PARP8: variants seen among roughly 807,000 people sequenced by gnomAD.
PARP8 encodes the protein poly(ADP-ribose) polymerase family member 8.
PARP8 carries 51 observed loss-of-function variants against 124.1 expected under a neutral mutation model. The ratio of observed to expected loss-of-function variants is 0.41; its 90% CI spans 0.33 to 0.52. The LOEUF (loss-of-function observed/expected upper bound fraction) is 0.52, where lower values mean the gene tolerates loss of function less well. PARP8 is among the 20% of genes least tolerant of loss of function. PARP8 has a pLI of 0.21. For missense variants in PARP8, 860 were observed against 1,018.9 expected (o/e 0.84, Z 2.12); for synonymous variants, 391 against 361.5 (o/e 1.08, Z -0.93).
intron 2 of PARP8, among the ~76,000 whole-genome samples, chr5:50,744,138 A>G (rs1466664401): frequency 6.6e-6 from 1 of 151,664 alleles, no homozygotes; most frequent in African/African-American, 2.4e-5. Flanking sequence ...GCATCGAAAA[A>G]CTCTTTTAAG....
intron 24 of PARP8, among the ~76,000 whole-genome samples, chr5:50,834,433 T>C (rs1747337348): frequency 6.6e-6 from 1 of 152,200 alleles, no homozygotes; most frequent in Admixed American, 6.5e-5. Flanking sequence ...ATTAGGTCTT[T>C]CTGTTCCTGC....
chr5:50,716,335 T>C (rs1409261304), intron 2 of PARP8, among the ~76,000 whole-genome samples: 1 of 152,136 alleles, frequency 6.6e-6, no homozygotes, highest in Non-Finnish European at 1.5e-5. Flanking sequence ...TCTAATTGGC[T>C]TTTATTAGTG....
intron 2 of PARP8, among the ~76,000 whole-genome samples, chr5:50,675,792 GA>G (rs199754558): frequency 0.015 from 2,236 of 150,744 alleles, 56 homozygotes; most frequent in African/African-American, 0.052. Flanking sequence ...AACAAACCAG[GA>G]AAAAAAAATT....
At chr5:50,690,976 T>C (rs1752436581) in intron 2 of PARP8, among the ~76,000 whole-genome samples, 1 of 152,162 alleles carries the variant, frequency 6.6e-6, no homozygotes, top group Admixed American at 6.6e-5. Context: ...TAGAAGTCAG[T>C]ATCCAAAAGG....
intron 2 of PARP8, among the ~76,000 whole-genome samples, chr5:50,684,690 A>G (rs373622084): frequency 2.0e-5 from 3 of 152,176 alleles, no homozygotes; most frequent in Non-Finnish European, 2.9e-5. Context: ...AATGATTTCT[A>G]TAACTCACTT....
Position 50,666,906 on chromosome 5 carries a change from T to TCCC in PARP8, c.-188_-187insCCC. 1 of 1,285,668 alleles carries TCCC rather than the reference T, an allele frequency of 7.8e-7. No individual in the cohort carries two copies. The highest frequency in any genetic ancestry group is 1.0e-6 in the Non-Finnish European group (1 of 1,000,714). The allele number at this position is 1,285,668 out of a possible 1,614,324, so 79.6% of individuals were successfully genotyped here. A position where few individuals can be genotyped will look rare whatever the true frequency, so the allele number is the denominator to read the frequency against. ...TGGGAATGCAAAGCCGACCTCCCCC[T>TCCC]CCTCCTCCTCCTCCCCCTCCTCCTC... On this transcript the variant is annotated 5_prime_UTR_variant, in exon 1 of 26. Transcript: ENST00000281631.
intron 14 of PARP8, among the ~76,000 whole-genome samples, chr5:50,799,426 A>C (rs1388521703): frequency 2.6e-5 from 4 of 152,192 alleles, no homozygotes; most frequent in African/African-American, 4.8e-5. Context: ...ACTGATCTGC[A>C]TGTCTGTCCT....
intron 2 of PARP8, among the ~76,000 whole-genome samples, chr5:50,693,289 G>T (rs188603258): frequency 1.9e-4 from 29 of 152,238 alleles, no homozygotes; most frequent in Non-Finnish European, 1.5e-5. Context: ...GCAGGTCAGA[G>T]GATTCCCAGG....
rs1561215266 is a variant in PARP8 at position 50,667,085 on chromosome 5, G to A, written c.-11G>A. On this transcript the variant is annotated 5_prime_UTR_variant, in exon 1 of 26. Coordinates refer to ENST00000281631, the MANE Select transcript of PARP8 (RefSeq NM_024615.4). The stretch of plus-strand genomic sequence containing the variant: ...GAAATAGCGGCTGCTTCTTTTCCAG[G>A]GATTTATTTAATGGGGATGTGTTCA... The A allele has an allele frequency of 6.3e-7, 1 of 1,596,296 alleles. No homozygotes were observed. The highest frequency in any genetic ancestry group is 2.2e-5 in the East Asian group (1 of 44,866).
chr5:50,787,185 C>G (rs1359650772), intron 9 of PARP8, among the ~76,000 whole-genome samples: 3 of 152,126 alleles, frequency 2.0e-5, no homozygotes, highest in Admixed American at 2.0e-4. Context: ...CCAAAATGTT[C>G]ATCACCTCCA....
intron 1 of PARP8, among the ~76,000 whole-genome samples, 155 bp downstream of exon 1, chr5:50,667,341 G>C (rs1178184742): frequency 6.6e-6 from 1 of 152,186 alleles, no homozygotes; most frequent in Non-Finnish European, 1.5e-5. Flanking sequence ...GAGCCAAAAG[G>C]GGGAGGGGGC....
intron 2 of PARP8, among the ~76,000 whole-genome samples, chr5:50,672,473 A>G (rs893723576): frequency 2.0e-5 from 3 of 152,210 alleles, no homozygotes; most frequent in Non-Finnish European, 4.4e-5. Flanking sequence ...AGGGTCCCCA[A>G]TCTGGTGATG....
Position 50,835,203 on chromosome 5 carries a change from A to T in PARP8, c.2462+188A>T, listed in dbSNP as rs80153155. On this transcript the variant is annotated intron_variant, in intron 25 of 25. Transcript: ENST00000281631. The stretch of plus-strand genomic sequence containing the variant: ...TCTAAATAATTTTTAAATGCTGTTA[A>T]CTTAGAAGAGCTCATGAAAAACACC... Among the ~76,000 whole-genome samples, 1,137 of 152,314 alleles carry T rather than the reference A, an allele frequency of 7.5e-3. 14 individuals carry two copies. The highest frequency in any genetic ancestry group is 0.026 in the African/African-American group (1,068 of 41,576).
At chr5:50,734,392 C>T (rs1411698580) in intron 2 of PARP8, among the ~76,000 whole-genome samples, 1 of 152,102 alleles carries the variant, frequency 6.6e-6, no homozygotes, top group East Asian at 1.9e-4. Context: ...TCCAGTTCTT[C>T]ATTTGCTTTG....
intron 7 of PARP8, among the ~76,000 whole-genome samples, chr5:50,771,348 G>A (rs1407892684): frequency 2.0e-5 from 3 of 151,984 alleles, no homozygotes; most frequent in Non-Finnish European, 2.9e-5. Flanking sequence ...CAGTAGAGAC[G>A]GGGTTTCACC....
At position 50,796,956 on chromosome 5, in the gene PARP8, A is replaced by G. The variant is rs750640596; in HGVS notation, c.1429-26A>G. 3 of 1,564,596 alleles carry G rather than the reference A, an allele frequency of 1.9e-6. No individual in the cohort carries two copies. In the South Asian group the frequency reaches 3.5e-5, roughly 19 times the overall value. On this transcript the variant is annotated intron_variant, in intron 12 of 25. Transcript: ENST00000281631. ...CATTTTTACATTTAAAAAAATTATC[A>G]TTTTTTTTTACTTTGCTTTTTATAG...
intron 14 of PARP8, among the ~76,000 whole-genome samples, chr5:50,815,140 G>A (rs1255410222): frequency 6.6e-6 from 1 of 152,066 alleles, no homozygotes; most frequent in Non-Finnish European, 1.5e-5. Context: ...GAAAGCACGA[G>A]AGATAAATTT....
intron 6 of PARP8, 31 bp from the exon 7 acceptor site, chr5:50,763,117 G>A: frequency 6.5e-7 from 1 of 1,544,270 alleles, no homozygotes; most frequent in Non-Finnish European, 9.0e-7. Context: ...GTTCACTTCT[G>A]AGACACTTTT....
intron 2 of PARP8, among the ~76,000 whole-genome samples, chr5:50,701,449 A>G (rs1205409722): frequency 1.3e-5 from 2 of 152,124 alleles, no homozygotes; most frequent in East Asian, 3.8e-4. Context: ...TTCAAACAAA[A>G]AGAAAATGCT....
Sources: allele counts gnomAD v4.1 joint callset (sites outside exome capture counted in the v4.1 genomes callset), GRCh38; gene constraint gnomAD v4.1.1; transcripts MANE v1.5; gene names NCBI Gene and HGNC (gene_info 2026-07-23, HGNC 2026-07-21).